Variants in CDH22 observed in about 807,000 individuals in gnomAD.
CDH22 encodes cadherin-22.
In CDH22, 30 loss-of-function variants were observed where a neutral mutation model predicts 58.4. That is an observed-to-expected ratio of 0.51 (90% CI 0.38 to 0.70). The LOEUF (loss-of-function observed/expected upper bound fraction) is 0.70, where lower values mean the gene tolerates loss of function less well. Among genes scored for constraint, CDH22 ranks in the 30% least tolerant of loss-of-function variants. CDH22 has a pLI of 0.00. For missense variants in CDH22, 1,014 were observed against 1,233.9 expected (o/e 0.82, Z 2.67); for synonymous variants, 513 against 558.2 (o/e 0.92, Z 1.14).
chr20:46,303,885 G>A (rs956876058), intron 1 of CDH22, among the ~76,000 whole-genome samples: 6 of 152,192 alleles, frequency 3.9e-5, no homozygotes, highest in South Asian at 2.1e-4. Flanking sequence ...GAGAACGATC[G>A]CTCTGGTTGC....
At chr20:46,231,912 T>C (rs986825619) in intron 3 of CDH22, among the ~76,000 whole-genome samples, 1 of 152,202 alleles carries the variant, frequency 6.6e-6, no homozygotes, top group African/African-American at 2.4e-5. Flanking sequence ...GCCTCTGAGC[T>C]GCTATGAGGA....
At position 46,281,069 on chromosome 20, in the gene CDH22, T is replaced by C. The variant is rs145345728; in HGVS notation, c.-400+27186A>G. On this transcript the variant is annotated intron_variant, in intron 1 of 11. Transcript: ENST00000537909. The stretch of plus-strand genomic sequence containing the variant: ...CAAGCAAAGGTCTTCCCAATCTCAA[T>C]TGATTTCTGGGGTCAGCTCACTGGG... Among the ~76,000 whole-genome samples the C allele has an allele frequency of 1.8e-3, 280 of 152,322 alleles. 1 individual carries two copies. Among genetic ancestry groups the C allele is most frequent in the Middle Eastern group, 6.8e-3 (2 of 294 alleles).
intron 1 of CDH22, among the ~76,000 whole-genome samples, chr20:46,252,757 G>A (rs913589208): frequency 6.6e-6 from 1 of 152,226 alleles, no homozygotes; most frequent in Admixed American, 6.5e-5. Flanking sequence ...AGTTTAGTGG[G>A]GTGGAAGGTG....
intron 4 of CDH22, among the ~76,000 whole-genome samples, chr20:46,226,373 C>T (rs1407560315): frequency 1.3e-5 from 2 of 151,316 alleles, no homozygotes; most frequent in African/African-American, 4.9e-5. Flanking sequence ...GCAGCCTCGA[C>T]CTCCTGGGCT....
intron 1 of CDH22, among the ~76,000 whole-genome samples, chr20:46,279,785 T>A (rs1555807342): frequency 6.6e-6 from 1 of 152,246 alleles, no homozygotes; most frequent in Non-Finnish European, 1.5e-5. Flanking sequence ...AAATTAAAAT[T>A]ATTTTTAAAA....
intron 1 of CDH22, among the ~76,000 whole-genome samples, chr20:46,289,709 A>G (rs1398050544): frequency 6.6e-6 from 1 of 152,204 alleles, no homozygotes; most frequent in Non-Finnish European, 1.5e-5. Flanking sequence ...GGGAGGGATT[A>G]TGGCTAGACA....
At chr20:46,246,793 G>A (rs954135929) in intron 2 of CDH22, among the ~76,000 whole-genome samples, 1 of 152,128 alleles carries the variant, frequency 6.6e-6, no homozygotes, top group Non-Finnish European at 1.5e-5. Context: ...TTTAGAATTC[G>A]ACAAGGACGG....
chr20:46,283,637 A>C (rs1568682845), intron 1 of CDH22, among the ~76,000 whole-genome samples: 2 of 152,122 alleles, frequency 1.3e-5, no homozygotes, highest in East Asian at 3.9e-4. Context: ...TTGGCAGACC[A>C]TGTGTGTCTG....
chr20:46,304,220 A>C (rs1427894925), intron 1 of CDH22, among the ~76,000 whole-genome samples: 1 of 152,222 alleles, frequency 6.6e-6, no homozygotes, highest in Non-Finnish European at 1.5e-5. Flanking sequence ...AGCTGAGATC[A>C]TGTGCAAAAC....
intron 1 of CDH22, among the ~76,000 whole-genome samples, chr20:46,298,984 G>A (rs931682582): frequency 5.3e-5 from 8 of 152,022 alleles, no homozygotes; most frequent in East Asian, 1.9e-4. Flanking sequence ...AGCTGTCCCC[G>A]TCTGTTGCCT....
chr20:46,186,437 G>C (rs2085825500), intron 10 of CDH22, 151 bp downstream of exon 10: 1 of 657,992 alleles, frequency 1.5e-6, no homozygotes, highest in African/African-American at 1.8e-5. Flanking sequence ...CCAGTGGGCT[G>C]GGTAACAGCT....
intron 10 of CDH22, among the ~76,000 whole-genome samples, chr20:46,183,651 C>T (rs185962962): frequency 1.5e-3 from 232 of 152,274 alleles, no homozygotes; most frequent in Admixed American, 4.7e-3. Context: ...AGGCTATTCT[C>T]AAACTCCTTG....
At chr20:46,195,348 C>T (rs1055550095) in intron 8 of CDH22, among the ~76,000 whole-genome samples, 3 of 152,186 alleles carry the variant, frequency 2.0e-5, no homozygotes, top group African/African-American at 7.2e-5. Context: ...GAGCGATCTT[C>T]ACTGAATACT....
chr20:46,248,626 CA>C (rs1239794566), intron 2 of CDH22, among the ~76,000 whole-genome samples: 27 of 152,238 alleles, frequency 1.8e-4, no homozygotes, highest in African/African-American at 5.5e-4. Flanking sequence ...AGTTCAAAGC[CA>C]GACTGGCCAA....
At chr20:46,197,236 G>T (rs1001945283) in intron 8 of CDH22, among the ~76,000 whole-genome samples, 12 of 151,820 alleles carry the variant, frequency 7.9e-5, no homozygotes, top group Non-Finnish European at 1.6e-4. Flanking sequence ...GAAAATGGGT[G>T]CTAATCATGC....
chr20:46,208,057 A>G (rs1219040060), intron 7 of CDH22, among the ~76,000 whole-genome samples: 1 of 152,168 alleles, frequency 6.6e-6, no homozygotes, highest in African/African-American at 2.4e-5. Flanking sequence ...GAGGTCCTCA[A>G]ATAAACTTTC....
intron 7 of CDH22, among the ~76,000 whole-genome samples, chr20:46,209,547 G>A (rs796958883): frequency 3.9e-5 from 6 of 152,240 alleles, no homozygotes; most frequent in African/African-American, 1.4e-4. Flanking sequence ...GGTTAAAGAG[G>A]GGTGAGGACA....
At chr20:46,190,241 C>A in intron 8 of CDH22, among the ~76,000 whole-genome samples, 1 of 152,184 alleles carries the variant, frequency 6.6e-6, no homozygotes, top group Non-Finnish European at 1.5e-5. Context: ...TTGAAATAAC[C>A]CTTGAAGAAG....
chr20:46,277,144 GA>G (rs11354476), intron 1 of CDH22, among the ~76,000 whole-genome samples: 49,161 of 130,460 alleles, frequency 0.38, 8,256 homozygotes, highest in African/African-American at 0.47. Flanking sequence ...CACCTCTAAA[GA>G]AAAAAAAAAA....
Sources: gnomAD v4.1 joint callset for allele counts (sites outside exome capture counted in the v4.1 genomes callset) on GRCh38, gnomAD v4.1.1 for gene constraint, MANE v1.5 for transcripts, NCBI Gene and HGNC (gene_info 2026-07-23, HGNC 2026-07-21) for gene names.